FABP12: variants seen among roughly 807,000 people sequenced by gnomAD.
FABP12 encodes fatty acid-binding protein 12.
FABP12 carries 19 observed loss-of-function variants against 13.7 expected under a neutral mutation model. That is an observed-to-expected ratio of 1.39 (90% CI 0.97 to 2.04). The LOEUF (loss-of-function observed/expected upper bound fraction) is 2.04, where lower values mean the gene tolerates loss of function less well. Ranked by LOEUF, FABP12 falls within the 30% of genes most tolerant of loss-of-function variation. The pLI is 0.00. For missense variants in FABP12, 182 were observed against 164.2 expected (o/e 1.11, Z -0.59); for synonymous variants, 61 against 57.0 (o/e 1.07, Z -0.32).
intron 1 of FABP12, among the ~76,000 whole-genome samples, chr8:81,547,809 A>C (rs1485948576): frequency 6.6e-6 from 1 of 152,184 alleles, no homozygotes; most frequent in Admixed American, 6.5e-5. Flanking sequence ...TTTGATCAGC[A>C]TCTGCTATGT....
At chr8:81,573,876 G>C (rs559299145) in intron 1 of FABP12, among the ~76,000 whole-genome samples, 35 of 152,098 alleles carry the variant, frequency 2.3e-4, no homozygotes, top group Non-Finnish European at 3.8e-4. Flanking sequence ...TGGTTTACAA[G>C]GTAAACAATC....
At chr8:81,525,003 A>G (rs1808851954) in exon 5 of FABP12, 2 of 1,325,384 alleles carry the variant, frequency 1.5e-6, no homozygotes, top group Non-Finnish European at 2.1e-6. Context: ...TTGGAGTTTT[A>G]TTTAAACAAC....
At chr8:81,525,191 A>G (rs1808861292) in intron 4 of FABP12, 71 bp from the exon 5 acceptor site, 1 of 997,666 alleles carries the variant, frequency 1.0e-6, no homozygotes, top group Non-Finnish European at 1.5e-6. Context: ...AGTGCAAACT[A>G]AGTACTATCC....
At chr8:81,550,292 A>G (rs1204859884) in intron 1 of FABP12, among the ~76,000 whole-genome samples, 3 of 152,190 alleles carry the variant, frequency 2.0e-5, no homozygotes, top group Admixed American at 6.5e-5. Context: ...TCTCAAAATG[A>G]AAAGGTAAAT....
chr8:81,539,520 C>A (rs973965169), intron 2 of FABP12, among the ~76,000 whole-genome samples: 1 of 126,600 alleles, frequency 7.9e-6, no homozygotes, highest in Non-Finnish European at 1.6e-5. Context: ...TCTTTGTAAT[C>A]ATACAACATC....
chr8:81,572,172 G>T (rs1809945491), intron 1 of FABP12, among the ~76,000 whole-genome samples: 1 of 150,390 alleles, frequency 6.6e-6, no homozygotes, highest in African/African-American at 2.4e-5. Context: ...CATCCTCATA[G>T]CTTAGCTCCC....
At chr8:81,559,308 C>A (rs188448079) in intron 1 of FABP12, among the ~76,000 whole-genome samples, 1 of 152,166 alleles carries the variant, frequency 6.6e-6, no homozygotes, top group Non-Finnish European at 1.5e-5. Context: ...TTTATGCCCC[C>A]CCGAGTTGTT....
At chr8:81,525,468 A>T (rs1808870979) in intron 4 of FABP12, among the ~76,000 whole-genome samples, 1 of 151,728 alleles carries the variant, frequency 6.6e-6, no homozygotes, top group Non-Finnish European at 1.5e-5. Context: ...GTGAGCCAAG[A>T]TCACACCACT....
At chr8:81,548,814 G>A (rs1003844402) in intron 1 of FABP12, among the ~76,000 whole-genome samples, 3 of 152,154 alleles carry the variant, frequency 2.0e-5, no homozygotes, top group African/African-American at 7.2e-5. Flanking sequence ...GGCTGATAAT[G>A]TTAAGGAAAT....
chr8:81,566,435 C>A (rs1039388073), intron 1 of FABP12, among the ~76,000 whole-genome samples: 8 of 151,976 alleles, frequency 5.3e-5, no homozygotes, highest in African/African-American at 1.4e-4. Context: ...ACTATCAAAC[C>A]AAATTTAACA....
chr8:81,588,555 T>G (rs904744568), intron 1 of FABP12, among the ~76,000 whole-genome samples: 2 of 152,198 alleles, frequency 1.3e-5, no homozygotes, highest in Non-Finnish European at 2.9e-5. Context: ...TTGTGAAGTC[T>G]TTATGTCTTT....
At chr8:81,553,188 C>T (rs1343300157) in intron 1 of FABP12, among the ~76,000 whole-genome samples, 1 of 152,082 alleles carries the variant, frequency 6.6e-6, no homozygotes, top group Admixed American at 6.6e-5. Flanking sequence ...CTCCAGATAC[C>T]TATTTTGCAC....
chr8:81,556,447 G>T (rs960485086), intron 1 of FABP12, among the ~76,000 whole-genome samples: 1 of 152,094 alleles, frequency 6.6e-6, no homozygotes, highest in East Asian at 1.9e-4. Flanking sequence ...GTTTGCTAGG[G>T]CCAGAATCCA....
intron 1 of FABP12, among the ~76,000 whole-genome samples, chr8:81,547,703 A>G (rs1317164182): frequency 6.6e-6 from 1 of 152,162 alleles, no homozygotes; most frequent in Non-Finnish European, 1.5e-5. Flanking sequence ...CATTCAATAC[A>G]CATTTCACGT....
chr8:81,546,520 G>A lies in FABP12; in HGVS notation c.-184-6777C>T, dbSNP rs189364451. ...TACAAAAAAAAAAAAAAAAGTAGCTGGGTGTGGTGGCGGGCGCCTATAGTT... is the reference window on the plus strand; with the variant it reads ...TACAAAAAAAAAAAAAAAAGTAGCTAGGTGTGGTGGCGGGCGCCTATAGTT... On this transcript the variant is annotated intron_variant, in intron 1 of 5. Transcript: ENST00000692030. 7.9e-3 allele frequency among the ~76,000 whole-genome samples: 1,203 copies of A among 151,352 alleles called. 12 individuals carry two copies. The highest frequency in any genetic ancestry group is 0.037 in the South Asian group (178 of 4,782).
In FABP12 at chr8:81,546,952, A is replaced by T. The variant is rs536717179; in HGVS notation, c.-184-7209T>A. Among the ~76,000 whole-genome samples the T allele has an allele frequency of 6.6e-5, 10 of 152,310 alleles. No homozygotes were observed. In the East Asian group the frequency reaches 1.9e-3, roughly 29 times the overall value. The stretch of plus-strand genomic sequence containing the variant: ...ATATAGCATTTTTCCTCAGGCTGTT[A>T]TTACTTGCTCAAGCAGGTTCCTAAG... On this transcript the variant is annotated intron_variant, in intron 1 of 5. Transcript: ENST00000692030.
intron 1 of FABP12, among the ~76,000 whole-genome samples, chr8:81,586,846 C>T (rs117118915): frequency 3.0e-3 from 461 of 152,186 alleles, no homozygotes; most frequent in Non-Finnish European, 4.6e-3. Flanking sequence ...CTTTTGGAGT[C>T]CTTGTCATGA....
At chr8:81,542,214 G>A (rs538040785) in intron 1 of FABP12, among the ~76,000 whole-genome samples, 90 of 152,268 alleles carry the variant, frequency 5.9e-4, no homozygotes, top group African/African-American at 2.1e-3. Context: ...GAAAGGGAAC[G>A]AAGTGAAATG....
chr8:81,563,337 T>C (rs958221432), intron 1 of FABP12, among the ~76,000 whole-genome samples: 9 of 152,172 alleles, frequency 5.9e-5, no homozygotes, highest in Admixed American at 2.0e-4. Flanking sequence ...CAAGCCCAGA[T>C]TGCAAAGACT....
Sources: gnomAD v4.1 joint callset for allele counts (sites outside exome capture counted in the v4.1 genomes callset) on GRCh38, gnomAD v4.1.1 for gene constraint, MANE v1.5 for transcripts, NCBI Gene and HGNC (gene_info 2026-07-23, HGNC 2026-07-21) for gene names.